Variants in TRIO observed in about 807,000 individuals in gnomAD.
TRIO encodes trio Rho guanine nucleotide exchange factor, also known as triple functional domain protein.
TRIO carries 58 observed loss-of-function variants against 351.9 expected under a neutral mutation model. The observed-to-expected ratio is 0.16, with a 90% CI of 0.13 to 0.21. The LOEUF is 0.21. Among genes scored for constraint, TRIO ranks in the 10% least tolerant of loss-of-function variants. The probability of loss-of-function intolerance (pLI) is 1.00; values close to 1 mark genes in which losing one functional copy is unlikely to be tolerated. For synonymous variants in TRIO, 1,758 were observed against 1,595.7 expected (o/e 1.10, Z -2.42); for missense variants, 3,201 against 4,027.8 (o/e 0.79, Z 5.56).
chr5:14,326,352 T>C (rs752649066), intron 9 of TRIO, among the ~76,000 whole-genome samples: 1 of 151,006 alleles, frequency 6.6e-6, no homozygotes, highest in Non-Finnish European at 1.5e-5. Context: ...AAGCTAAACA[T>C]TCTGAACAGC....
intron 8 of TRIO, among the ~76,000 whole-genome samples, chr5:14,308,202 T>G (rs1468925948): frequency 6.6e-6 from 1 of 152,150 alleles, no homozygotes; most frequent in Non-Finnish European, 1.5e-5. Flanking sequence ...GACAGACTTA[T>G]GAAACATATG....
At chr5:14,421,205 T>TC (rs1434001963) in intron 34 of TRIO, among the ~76,000 whole-genome samples, 1 of 144,082 alleles carries the variant, frequency 6.9e-6, no homozygotes, top group African/African-American at 2.9e-5. Flanking sequence ...TTTTCTTTTT[T>TC]CCCTTATTTA....
intron 11 of TRIO, among the ~76,000 whole-genome samples, chr5:14,338,469 C>T (rs1741633922): frequency 6.6e-6 from 1 of 152,222 alleles, no homozygotes; most frequent in South Asian, 2.1e-4. Context: ...AGAGCTCCCT[C>T]TACATGCACC....
In TRIO at chr5:14,260,504, A is replaced by G. The variant is rs1795283954; in HGVS notation, c.158-10321A>G. Among the ~76,000 whole-genome samples the G allele has an allele frequency of 2.0e-5, 3 of 152,236 alleles. No homozygotes were observed. The South Asian group carries it at 6.2e-4, about 32-fold the overall frequency. On this transcript the variant is annotated intron_variant, in intron 1 of 56. Coordinates refer to ENST00000344204, the MANE Select transcript of TRIO (RefSeq NM_007118.4). ...TGCCAAGCGATTAAACACAATTCTA[A>G]GCTTTATCAAGGGACTGACTGGCAG...
intron 1 of TRIO, among the ~76,000 whole-genome samples, chr5:14,176,276 C>G (rs1161751522): frequency 6.6e-6 from 1 of 152,146 alleles, no homozygotes; most frequent in Non-Finnish European, 1.5e-5. Flanking sequence ...TCGAGATCAT[C>G]CTGGCTAACA....
rs371688546 is a variant in TRIO, at chr5:14,492,789, G to A, written c.7855G>A (p.Val2619Met). ...CCTGGGCCACACCAGTGCAGTCATCGTGGAGAACCCGGACGGGACTCTCAA... is the reference window on the plus strand; with the variant it reads ...CCTGGGCCACACCAGTGCAGTCATCATGGAGAACCCGGACGGGACTCTCAA... ...FVLGHTSAVI[V>M]ENPDGTLKKS... The change falls in exon 49 of 57, where the codon GTG (valine) becomes ATG (methionine). Residue 2619 changes from valine (V) to methionine (M), a missense_variant. By Grantham distance (21) the Val-to-Met change is conservative. Coordinates refer to ENST00000344204, the MANE Select transcript of TRIO (RefSeq NM_007118.4). 2.2e-5 allele frequency: 36 copies of A among 1,613,880 alleles called. No homozygotes were observed. Among genetic ancestry groups the A allele is most frequent in the East Asian group, 1.1e-4 (5 of 44,890 alleles).
chr5:14,204,025 G>C (rs1791308228), intron 1 of TRIO, among the ~76,000 whole-genome samples: 1 of 152,166 alleles, frequency 6.6e-6, no homozygotes. Flanking sequence ...GCTCTTTTCA[G>C]GATCCTGATG....
chr5:14,417,042 G>A (rs905353547), intron 33 of TRIO, among the ~76,000 whole-genome samples: 4 of 152,336 alleles, frequency 2.6e-5, no homozygotes, highest in South Asian at 4.1e-4. Flanking sequence ...CCTGCAGACC[G>A]GTCCTGTGTT....
rs757289306 is a variant in TRIO at position 14,316,763 on chromosome 5, C to T, written c.1731+20C>T. The T allele has an allele frequency of 2.5e-6, 4 of 1,601,684 alleles. No homozygotes were observed. The African/African-American group carries it at 4.0e-5, about 16-fold the overall frequency. On this transcript the variant is annotated intron_variant, in intron 9 of 56. Transcript: ENST00000344204. ...CAGCAGGTCAGTTTCGCCTCATGCC[C>T]TTCTGCATGGGAAATGGCTTGTGTT...
intron 1 of TRIO, among the ~76,000 whole-genome samples, chr5:14,195,392 G>A (rs534087699): frequency 5.3e-5 from 8 of 152,334 alleles, no homozygotes; most frequent in Admixed American, 2.0e-4. Flanking sequence ...CATTTTGTCA[G>A]GCAAGGTGTT....
chr5:14,317,896 G>T (rs980865856), intron 9 of TRIO, among the ~76,000 whole-genome samples: 2 of 152,106 alleles, frequency 1.3e-5, no homozygotes, highest in African/African-American at 2.4e-5. Context: ...GGAGGCCAAG[G>T]GGGGTGGATC....
At chr5:14,433,349 G>A (rs1229579979) in intron 34 of TRIO, among the ~76,000 whole-genome samples, 1 of 152,120 alleles carries the variant, frequency 6.6e-6, no homozygotes, top group Non-Finnish European at 1.5e-5. Flanking sequence ...AAGAAGCAGG[G>A]GTTTCGTCAT....
At chr5:14,493,003 G>A (rs375785027) in intron 49 of TRIO, among the ~76,000 whole-genome samples, 189 bp downstream of exon 49, 1 of 152,164 alleles carries the variant, frequency 6.6e-6, no homozygotes, top group South Asian at 2.1e-4. Flanking sequence ...GACTCACAGG[G>A]TCTTTGAATA....
chr5:14,292,251 G>T (rs1200499185), intron 5 of TRIO, among the ~76,000 whole-genome samples: 1 of 152,220 alleles, frequency 6.6e-6, no homozygotes, highest in African/African-American at 2.4e-5. Flanking sequence ...GTATCTGTCA[G>T]TGTTCTTTTG....
chr5:14,451,010 A>G (rs2126427019), intron 34 of TRIO, among the ~76,000 whole-genome samples: 1 of 152,378 alleles, frequency 6.6e-6, no homozygotes, highest in East Asian at 1.9e-4. Context: ...ACCTCTCCAG[A>G]TACTTGCTCA....
intron 1 of TRIO, among the ~76,000 whole-genome samples, chr5:14,264,894 C>T (rs572901944): frequency 1.3e-5 from 2 of 152,284 alleles, no homozygotes; most frequent in South Asian, 2.1e-4. Flanking sequence ...TGTGTGCAGG[C>T]GTGCGCGCGC....
rs185642244 is a variant in TRIO at position 14,380,608 on chromosome 5, C to T, written c.3448-522C>T. Among the ~76,000 whole-genome samples, 3 of 143,590 alleles carry T rather than the reference C, an allele frequency of 2.1e-5. No individual in the cohort carries two copies. The Admixed American group carries it at 2.2e-4, about 10-fold the overall frequency. 94.2% of individuals were successfully genotyped at this position (143,590 alleles called of 152,430 possible). A position where few individuals can be genotyped will look rare whatever the true frequency, so the allele number is the denominator to read the frequency against. ...GGTTCATGGTTACAAGAAACTCAAA[C>T]TATTTTTTGTTTTTTTTGTGGGAGT... On this transcript the variant is annotated intron_variant, in intron 20 of 56. Transcript: ENST00000344204.
rs112341448 is a variant in TRIO at position 14,155,991 on chromosome 5, T to TG, written c.157+12110dup. Among the ~76,000 whole-genome samples the TG allele has an allele frequency of 9.4e-4, 143 of 152,370 alleles. 1 individual carries two copies. The highest frequency in any genetic ancestry group is 3.3e-3 in the African/African-American group (139 of 41,578). On this transcript the variant is annotated intron_variant, in intron 1 of 56. Transcript: ENST00000344204. ...AATTCCTTTTGTATTTAGTTGACTT[T>TG]GTACTATAAGGAAGAGCTTTCCTTA...
Position 14,368,794 on chromosome 5 carries a change from C to T in TRIO, c.2961C>T (p.Asp987=). The T allele has an allele frequency of 1.2e-6, 2 of 1,614,152 alleles. No individual in the cohort carries two copies. The highest frequency in any genetic ancestry group is 1.7e-6 in the Non-Finnish European group (2 of 1,180,034). ...ANHYDMDMIR[D]CAEKVASHWQ... ...ACTACGACATGGACATGATCCGGGACTGCGCCGAGAAGGTGGCGTCTCACT... is the reference window on the plus strand; with the variant it reads ...ACTACGACATGGACATGATCCGGGATTGCGCCGAGAAGGTGGCGTCTCACT... The change falls in exon 17 of 57, where the codon GAC becomes GAT. Residue 987 remains aspartate (D), a synonymous_variant. Coordinates refer to ENST00000344204, the MANE Select transcript of TRIO (RefSeq NM_007118.4).
Sources: allele counts gnomAD v4.1 joint callset (sites outside exome capture counted in the v4.1 genomes callset), GRCh38; gene constraint gnomAD v4.1.1; transcripts MANE v1.5; gene names NCBI Gene and HGNC (gene_info 2026-07-23, HGNC 2026-07-21).